Variants in VAT1L observed in about 807,000 individuals in gnomAD.
VAT1L encodes putative NADPH-dependent quinone oxidoreductase VAT1L.
A neutral mutation model predicts 44.1 loss-of-function variants in VAT1L; 34 were observed. That is an observed-to-expected ratio of 0.77 (90% confidence interval 0.59 to 1.03). The LOEUF (loss-of-function observed/expected upper bound fraction) is 1.03. Ranked by LOEUF, VAT1L falls within the 50% of genes least tolerant of loss-of-function variation. The pLI is 0.00. For synonymous variants in VAT1L, 253 were observed against 202.2 expected, an observed-to-expected ratio of 1.25 and a Z score of -2.13; for missense variants, 615 against 538.8, an observed-to-expected ratio of 1.14 and a Z score of -1.40.
chr16:77,869,501 T>C (rs1436349452), intron 4 of VAT1L, among the ~76,000 whole-genome samples: 1 of 151,896 alleles, frequency 6.6e-6, no homozygotes, highest in Non-Finnish European at 1.5e-5. Flanking sequence ...ATAATGAGAC[T>C]CCCATCTCTA....
At chr16:77,792,147 C>T (rs2015846521) in intron 1 of VAT1L, among the ~76,000 whole-genome samples, 1 of 152,198 alleles carries the variant, frequency 6.6e-6, no homozygotes, top group South Asian at 2.1e-4. Context: ...AAAGACACTG[C>T]CGCGTTGTCA....
intron 7 of VAT1L, among the ~76,000 whole-genome samples, chr16:77,946,839 C>T (rs1445981564): frequency 6.6e-6 from 1 of 152,146 alleles, no homozygotes; most frequent in East Asian, 1.9e-4. Flanking sequence ...TGGGATCAGT[C>T]CCATTTGAGA....
intron 7 of VAT1L, among the ~76,000 whole-genome samples, chr16:77,926,618 A>G (rs1021839096): frequency 6.6e-6 from 1 of 152,158 alleles, no homozygotes; most frequent in Non-Finnish European, 1.5e-5. Context: ...GCTAAAAGAT[A>G]CGGTGGTTGA....
intron 7 of VAT1L, among the ~76,000 whole-genome samples, chr16:77,919,479 C>T (rs1183215397): frequency 6.6e-6 from 1 of 152,150 alleles, no homozygotes; most frequent in African/African-American, 2.4e-5. Flanking sequence ...AAAAACACCA[C>T]CCGCTTCCCT....
chr16:77,844,674 G>T (rs2016741305), intron 3 of VAT1L, among the ~76,000 whole-genome samples: 1 of 152,148 alleles, frequency 6.6e-6, no homozygotes, highest in Non-Finnish European at 1.5e-5. Context: ...GTCTGAAAGT[G>T]CTGGGATTAC....
At chr16:77,816,036 A>G in intron 1 of VAT1L, among the ~76,000 whole-genome samples, 1 of 141,466 alleles carries the variant, frequency 7.1e-6, no homozygotes, top group Admixed American at 7.1e-5. Context: ...GTTTAATGGG[A>G]TGTGTTTCCC....
chr16:77,915,716 G>A (rs1362696946), intron 7 of VAT1L, among the ~76,000 whole-genome samples: 1 of 152,230 alleles, frequency 6.6e-6, no homozygotes, highest in African/African-American at 2.4e-5. Flanking sequence ...ATGAACCAAT[G>A]GAGAACTAAT....
chr16:77,789,830 G>T (rs1185364075), intron 1 of VAT1L, among the ~76,000 whole-genome samples: 3 of 152,198 alleles, frequency 2.0e-5, no homozygotes, highest in African/African-American at 7.2e-5. Flanking sequence ...AAATTCCCGG[G>T]GAGAGTTTAA....
intron 7 of VAT1L, among the ~76,000 whole-genome samples, chr16:77,904,054 C>T (rs780930376): frequency 4.6e-5 from 7 of 151,896 alleles, no homozygotes; most frequent in South Asian, 2.1e-4. Context: ...TTACTTTTAA[C>T]GGCAAAAACC....
intron 7 of VAT1L, among the ~76,000 whole-genome samples, chr16:77,941,562 G>A (rs1361537595): frequency 6.6e-6 from 1 of 152,166 alleles, no homozygotes; most frequent in Non-Finnish European, 1.5e-5. Context: ...TCAAATGGTA[G>A]TTCTGTTTTT....
chr16:77,879,159 T>G lies in VAT1L; in HGVS notation c.827-10T>G. The G allele has an allele frequency of 6.2e-7, 1 of 1,614,008 alleles. No individual in the cohort carries two copies. The highest frequency in any genetic ancestry group is 8.5e-7 in the Non-Finnish European group (1 of 1,179,954). On this transcript the variant is annotated splice_polypyrimidine_tract_variant and intron_variant, in intron 5 of 8. Coordinates refer to ENST00000302536, the MANE Select transcript of VAT1L (RefSeq NM_020927.3). The surrounding 1 kb of genome is among the most constrained non-coding windows in gnomAD (Gnocchi z 4.1). ...AGCAATTGCTTAATGTGGGAATCTT[T>G]CATTTTCAGGCTCATCCAACATGGT...
chr16:77,942,419 A>G (rs436035), intron 7 of VAT1L, among the ~76,000 whole-genome samples: 37,448 of 151,240 alleles, frequency 0.25, 4,930 homozygotes, highest in Middle Eastern at 0.35. Flanking sequence ...CAGCCACACC[A>G]TATCAATCAG....
At chr16:77,892,483 C>G (rs1022681016) in intron 7 of VAT1L, 2 of 535,028 alleles carry the variant, frequency 3.7e-6, no homozygotes, top group Non-Finnish European at 7.5e-6. Context: ...CTTGTGTCTC[C>G]TTTGAGCTGT....
In VAT1L at chr16:77,825,311, G is replaced by C. The variant is rs984212183; in HGVS notation, c.429G>C (p.Val143=). Residue 143 remains valine, a synonymous_variant, in exon 3 of 9, where the codon GTG becomes GTC. Coordinates refer to ENST00000302536, the MANE Select transcript of VAT1L (RefSeq NM_020927.3). ...NAWAEVVCTP[V]EFVYKIPDDM... The stretch of plus-strand genomic sequence containing the variant: ...GGGCAGAGGTGGTCTGCACACCAGT[G>C]GAGTTTGTCTACAAGATCCCGGATG... 1 of 1,614,170 alleles carries C rather than the reference G, an allele frequency of 6.2e-7. No individual in the cohort carries two copies. Among genetic ancestry groups the C allele is most frequent in the African/African-American group, 1.3e-5 (1 of 75,040 alleles).
At chr16:77,851,414 C>A (rs932585976) in intron 3 of VAT1L, among the ~76,000 whole-genome samples, 1 of 152,048 alleles carries the variant, frequency 6.6e-6, no homozygotes, top group East Asian at 1.9e-4. Context: ...TTTGGAAAGC[C>A]GAGGTGAAAG....
intron 7 of VAT1L, among the ~76,000 whole-genome samples, chr16:77,967,190 C>T (rs1040084295): frequency 2.0e-5 from 3 of 152,180 alleles, no homozygotes; most frequent in Admixed American, 6.5e-5. Flanking sequence ...GGAAGCTGCC[C>T]TCTCAGATCC....
intron 7 of VAT1L, among the ~76,000 whole-genome samples, chr16:77,916,940 A>T (rs1190654943): frequency 6.6e-6 from 1 of 152,136 alleles, no homozygotes; most frequent in Non-Finnish European, 1.5e-5. Flanking sequence ...AGCAACAGCC[A>T]TGCCAGTTGG....
chr16:77,915,897 T>A (rs368663381), intron 7 of VAT1L, among the ~76,000 whole-genome samples: 2 of 152,234 alleles, frequency 1.3e-5, no homozygotes, highest in East Asian at 1.9e-4. Context: ...GCGAAGTGCA[T>A]TGTCAAGCCA....
chr16:77,859,432 C>T (rs183394722), intron 3 of VAT1L, among the ~76,000 whole-genome samples: 32 of 152,064 alleles, frequency 2.1e-4, no homozygotes, highest in African/African-American at 6.5e-4. Context: ...ATTGGAAAAG[C>T]GGAGGAAATA....
Sources: gnomAD v4.1 joint callset for allele counts (sites outside exome capture counted in the v4.1 genomes callset) on GRCh38, gnomAD v4.1.1 for gene constraint, Gnocchi (gnomAD v3.1) non-coding constraint, MANE v1.5 for transcripts, NCBI Gene and HGNC (gene_info 2026-07-23, HGNC 2026-07-21) for gene names.